The following AGBL1 variants were observed in gnomAD, a reference collection of about 807,000 sequenced individuals.
AGBL1 encodes the protein AGBL carboxypeptidase 1.
AGBL1 carries 130 observed loss-of-function variants against 118.9 expected under a neutral mutation model. That is an observed-to-expected ratio of 1.09 (90% CI 0.95 to 1.26). The LOEUF is 1.26. Ranked by LOEUF, AGBL1 falls within the 50% of genes most tolerant of loss-of-function variation. The probability of loss-of-function intolerance (pLI) is 0.00; values close to 1 mark genes in which losing one functional copy is unlikely to be tolerated. For missense variants in AGBL1, 1,584 were observed against 1,298.1 expected (o/e 1.22, Z -3.38); for synonymous variants, 555 against 478.9 (o/e 1.16, Z -2.08).
intron 17 of AGBL1, among the ~76,000 whole-genome samples, chr15:86,331,573 T>C (rs529590530): frequency 6.6e-6 from 1 of 152,250 alleles, no homozygotes; most frequent in African/African-American, 2.4e-5. Context: ...ATTGCATACA[T>C]AGGGAACCCT....
At chr15:86,799,873 C>T (rs1381742114) in intron 22 of AGBL1, among the ~76,000 whole-genome samples, 1 of 151,972 alleles carries the variant, frequency 6.6e-6, no homozygotes, top group Non-Finnish European at 1.5e-5. Flanking sequence ...AGATTAATTA[C>T]CATGTAACTG....
chr15:86,599,816 T>G (rs2084466730), intron 21 of AGBL1, among the ~76,000 whole-genome samples: 1 of 152,094 alleles, frequency 6.6e-6, no homozygotes, highest in South Asian at 2.1e-4. Flanking sequence ...TTTTTTTGCT[T>G]GAGATCCAAT....
chr15:86,441,329 T>G (rs140173242), intron 18 of AGBL1, among the ~76,000 whole-genome samples: 1 of 152,316 alleles, frequency 6.6e-6, no homozygotes, highest in Non-Finnish European at 1.5e-5. Flanking sequence ...GTTTTTCCTT[T>G]GGAACCAAAA....
chr15:86,625,106 T>G (rs2084863540), intron 21 of AGBL1, among the ~76,000 whole-genome samples: 2 of 152,154 alleles, frequency 1.3e-5, no homozygotes, highest in African/African-American at 4.8e-5. Flanking sequence ...TGGAAGGATC[T>G]GCATCATTTA....
intron 17 of AGBL1, among the ~76,000 whole-genome samples, chr15:86,385,027 G>C (rs1421245108): frequency 2.6e-5 from 4 of 152,094 alleles, no homozygotes; most frequent in Non-Finnish European, 5.9e-5. Flanking sequence ...GTCTAGGGCT[G>C]CATCTTTCAA....
At chr15:86,690,428 TAAAG>T (rs1023148189) in intron 22 of AGBL1, among the ~76,000 whole-genome samples, 2 of 152,174 alleles carry the variant, frequency 1.3e-5, no homozygotes, top group African/African-American at 4.8e-5. Flanking sequence ...GTCATCTTAA[TAAAG>T]AAATCCATTC....
chr15:86,586,604 G>T (rs554747902), intron 21 of AGBL1, among the ~76,000 whole-genome samples: 35 of 152,242 alleles, frequency 2.3e-4, no homozygotes, highest in South Asian at 8.3e-4. Flanking sequence ...AGTCTCAAGA[G>T]GTCCTGAGAA....
intron 21 of AGBL1, among the ~76,000 whole-genome samples, chr15:86,604,785 T>C (rs797010942): frequency 2.0e-5 from 3 of 151,196 alleles, no homozygotes; most frequent in African/African-American, 7.3e-5. Flanking sequence ...TTTCTTTTTT[T>C]TTCTTTTCTT....
chr15:86,425,146 C>A (rs997077018), intron 18 of AGBL1, among the ~76,000 whole-genome samples: 4 of 152,096 alleles, frequency 2.6e-5, no homozygotes, highest in Non-Finnish European at 4.4e-5. Context: ...AACCCAAATG[C>A]CCATCAGTGA....
At chr15:86,423,853 C>A (rs949163524) in intron 18 of AGBL1, among the ~76,000 whole-genome samples, 2 of 152,064 alleles carry the variant, frequency 1.3e-5, no homozygotes, top group African/African-American at 2.4e-5. Flanking sequence ...TCAAGGAGAG[C>A]TACAAACCAC....
chr15:86,480,260 T>C (rs1336489130), intron 18 of AGBL1, among the ~76,000 whole-genome samples: 1 of 152,134 alleles, frequency 6.6e-6, no homozygotes, highest in Non-Finnish European at 1.5e-5. Flanking sequence ...GTGATGAATA[T>C]ATTAATTTGC....
chr15:86,274,324 A>G (rs1295428093), intron 15 of AGBL1, among the ~76,000 whole-genome samples: 2 of 152,154 alleles, frequency 1.3e-5, no homozygotes, highest in Non-Finnish European at 2.9e-5. Flanking sequence ...TTTTAACAAA[A>G]ATGAGAATTA....
chr15:86,458,799 C>G (rs1216458807), intron 18 of AGBL1, among the ~76,000 whole-genome samples: 1 of 152,116 alleles, frequency 6.6e-6, no homozygotes, highest in African/African-American at 2.4e-5. Flanking sequence ...GGGTTTATTG[C>G]AAGGCTATCC....
At chr15:86,162,041 G>C (rs144463182) in intron 5 of AGBL1, among the ~76,000 whole-genome samples, 2,448 of 152,252 alleles carry the variant, frequency 0.016, 73 homozygotes, top group African/African-American at 0.055. Flanking sequence ...AGATCAGATG[G>C]CAGAGGCTGG....
chr15:86,665,339 A>AT (rs11418170), intron 21 of AGBL1, among the ~76,000 whole-genome samples: 135,262 of 152,054 alleles, frequency 0.89, 60,333 homozygotes, highest in East Asian at 1. Flanking sequence ...ACACTTCCAA[A>AT]TTTCCTTGGA....
At chr15:86,716,037 G>T (rs1036621593) in intron 22 of AGBL1, among the ~76,000 whole-genome samples, 2 of 146,372 alleles carry the variant, frequency 1.4e-5, no homozygotes, top group African/African-American at 5.1e-5. Context: ...CTGCACTCCA[G>T]CCTGGGCAAC....
At chr15:86,396,245 A>G (rs199973539) in intron 17 of AGBL1, among the ~76,000 whole-genome samples, 9,664 of 69,264 alleles carry the variant, frequency 0.14, 641 homozygotes, top group African/African-American at 0.3. Flanking sequence ...GTGTGTGTGT[A>G]TATATATATA....
chr15:86,493,061 G>T (rs1233972423), intron 18 of AGBL1, among the ~76,000 whole-genome samples: 2 of 152,060 alleles, frequency 1.3e-5, no homozygotes, highest in Non-Finnish European at 2.9e-5. Flanking sequence ...GGGCATGGTG[G>T]TGCACACCTG....
chr15:86,688,184 G>T (rs180868657), intron 22 of AGBL1, among the ~76,000 whole-genome samples: 164 of 152,214 alleles, frequency 1.1e-3, no homozygotes, highest in African/African-American at 3.9e-3. Context: ...GGGGATTGAT[G>T]CTTGAGGAGG....
Sources: gnomAD v4.1 joint callset for allele counts (sites outside exome capture counted in the v4.1 genomes callset) on GRCh38, gnomAD v4.1.1 for gene constraint, MANE v1.5 for transcripts, NCBI Gene and HGNC (gene_info 2026-07-23, HGNC 2026-07-21) for gene names.